JAG2: variants seen among roughly 807,000 people sequenced by gnomAD.
The protein encoded by JAG2 is jagged canonical Notch ligand 2, also known as protein jagged-2.
JAG2 carries 46 observed loss-of-function variants against 141.7 expected under a neutral mutation model. That is an observed-to-expected ratio of 0.32 (90% CI 0.26 to 0.42). The LOEUF (loss-of-function observed/expected upper bound fraction) is 0.42. Ranked by LOEUF, JAG2 falls within the 10% of genes least tolerant of loss-of-function variation. JAG2 has a pLI of 1.00. For synonymous variants in JAG2, 862 were observed against 763.5 expected (o/e 1.13, Z -2.13); for missense variants, 1,500 against 1,817.5 (o/e 0.83, Z 3.18).
chr14:105,162,398 AG>A (rs1354590385), intron 2 of JAG2, among the ~76,000 whole-genome samples: 3 of 119,532 alleles, frequency 2.5e-5, no homozygotes. Flanking sequence ...GTCCCCAGGC[AG>A]GGGCAACAGC....
At chr14:105,143,288 T>C in intron 25 of JAG2, 118 bp from the exon 26 acceptor site, 2 of 1,350,850 alleles carry the variant, frequency 1.5e-6, no homozygotes, top group African/African-American at 1.4e-5. Flanking sequence ...CACCCTCCGG[T>C]TGCTGGCTCG....
chr14:105,163,792 G>A (rs1362113940), intron 2 of JAG2, among the ~76,000 whole-genome samples: 1 of 149,144 alleles, frequency 6.7e-6, no homozygotes, highest in Non-Finnish European at 1.5e-5. Context: ...GGGGCCTGAG[G>A]ATAGGGGCCC....
At chr14:105,152,336 C>G in intron 5 of JAG2, 45 bp from the exon 6 acceptor site, 1 of 1,597,468 alleles carries the variant, frequency 6.3e-7, no homozygotes, top group East Asian at 2.3e-5. Flanking sequence ...GCTGTGGTGC[C>G]TGAAAGGGTG....
intron 2 of JAG2, among the ~76,000 whole-genome samples, chr14:105,160,950 A>G (rs1888729459): frequency 6.6e-6 from 1 of 152,020 alleles, no homozygotes; most frequent in Admixed American, 6.5e-5. Context: ...AAGGAGCTGC[A>G]TGGCAGAGCC....
chr14:105,143,750 C>A, intron 24 of JAG2, 112 bp from the exon 25 acceptor site: 1 of 1,346,264 alleles, frequency 7.4e-7, no homozygotes. Flanking sequence ...GCACGGGAGA[C>A]GAGAGCCCGG....
At chr14:105,168,154 C>G (rs1888980665) in intron 1 of JAG2, 47 bp from the exon 2 acceptor site, 1 of 1,420,892 alleles carries the variant, frequency 7.0e-7, no homozygotes, top group African/African-American at 1.5e-5. Context: ...GGGCCGGGGT[C>G]GGCGGGCCGG....
At chr14:105,158,656 C>T (rs1158564136) in intron 2 of JAG2, among the ~76,000 whole-genome samples, 2 of 152,090 alleles carry the variant, frequency 1.3e-5, no homozygotes, top group Admixed American at 1.3e-4. Context: ...TGGGTACCCA[C>T]ATTCCACAGC....
Position 105,143,046 on chromosome 14 carries a change from C to G in JAG2, c.3366G>C (p.Glu1122Asp). ...GCGGGGCCCACTGGTTGTTGGCGCT[C>G]TCCTCCCGCGGCAGCCGGCTCCTCT... The part of the protein sequence containing the change: ...ERERSRLPRE[E>D]SANNQWAPLN... The change falls in exon 26 of 26, where the codon GAG becomes GAC. Residue 1122 changes from glutamate to aspartate, a missense_variant. Transcript: ENST00000331782. 1 of 1,603,780 alleles carries G rather than the reference C, an allele frequency of 6.2e-7. No individual in the cohort carries two copies. The highest frequency in any genetic ancestry group is 8.5e-7 in the Non-Finnish European group (1 of 1,179,676).
chr14:105,149,331 G>A lies in JAG2; in HGVS notation c.1603-11C>T, dbSNP rs781628851. 3.1e-6 allele frequency: 5 copies of A among 1,612,446 alleles called. No individual in the cohort carries two copies. The highest frequency in any genetic ancestry group is 4.5e-5 in the East Asian group (2 of 44,874). ...AAGGTCGACATCCACCTGCAGGGTG[G>A]GGGGTGCCTGTGAGAGCCTAGGCCC... On this transcript the variant is annotated splice_polypyrimidine_tract_variant and intron_variant, in intron 12 of 25. Coordinates refer to ENST00000331782, the MANE Select transcript of JAG2 (RefSeq NM_002226.5).
chr14:105,149,197 C>G lies in JAG2; in HGVS notation c.1726G>C (p.Glu576Gln). 1 of 1,611,784 alleles carries G rather than the reference C, an allele frequency of 6.2e-7. No individual in the cohort carries two copies. The stretch of plus-strand genomic sequence containing the variant: ...CTGCAGGCCCCGCCAGGGCACGGCT[C>G]GCGGGGCACGGAGCAGTTCTTGCCA... ...FGGKNCSVPR[E>Q]PCPGGACRVI... is the part of the protein sequence containing the mutation. Residue 576 changes from glutamate to glutamine, a missense_variant, in exon 13 of 26, where the codon GAG becomes CAG. Physicochemically the swap from Glu to Gln is conservative, Grantham distance 29 (BLOSUM62 2). This residue lies in a region of JAG2 where 875 missense variants were observed against 1,202.2 expected (regional missense o/e 0.73). Coordinates refer to ENST00000331782, the MANE Select transcript of JAG2 (RefSeq NM_002226.5).
intron 2 of JAG2, among the ~76,000 whole-genome samples, chr14:105,166,502 C>G (rs986605593): frequency 1.3e-5 from 2 of 152,370 alleles, no homozygotes; most frequent in African/African-American, 4.8e-5. Context: ...TTTCCCCTCT[C>G]TGGGGCCCCC....
At chr14:105,157,875 C>T in intron 2 of JAG2, 112 bp from the exon 3 acceptor site, 2 of 979,272 alleles carry the variant, frequency 2.0e-6, no homozygotes, top group Non-Finnish European at 3.1e-6. Context: ...CAGGCTCTGG[C>T]CCTTCCTCCC....
intron 12 of JAG2, 78 bp from the exon 13 acceptor site, chr14:105,149,398 A>C (rs1311287702): frequency 1.3e-6 from 2 of 1,587,408 alleles, no homozygotes; most frequent in African/African-American, 2.7e-5. Flanking sequence ...TGTCCATACG[A>C]AGGTAGATCC....
chr14:105,161,921 G>A (rs587769590), intron 2 of JAG2, among the ~76,000 whole-genome samples: 31 of 152,316 alleles, frequency 2.0e-4, no homozygotes, highest in Non-Finnish European at 4.0e-4. Flanking sequence ...CCTGCCTGGC[G>A]GGCCACGATC....
chr14:105,157,587 C>G, intron 3 of JAG2, 119 bp downstream of exon 3: 2 of 1,015,380 alleles, frequency 2.0e-6, no homozygotes, highest in Admixed American at 2.0e-5. Context: ...AAAAGGGAAA[C>G]AGCACACATG....
intron 2 of JAG2, among the ~76,000 whole-genome samples, chr14:105,165,085 C>T (rs1888869696): frequency 6.6e-6 from 1 of 152,244 alleles, no homozygotes. Flanking sequence ...CCCTCGCTGG[C>T]AGGCAGGCTC....
rs587631614 is a variant in JAG2 at position 105,147,206 on chromosome 14, A to C, written c.2479+120T>G. On this transcript the variant is annotated intron_variant, in intron 20 of 25. Transcript: ENST00000331782. ...GTGGGGAAACTGAGGCTCAGAAGAG[A>C]GGCAGGAAGTAGTTGTGGCCACACT... 314 of 767,982 alleles carry C rather than the reference A, an allele frequency of 4.1e-4. 2 individuals carry two copies. In the East Asian group the frequency reaches 8.2e-3, roughly 20 times the overall value. 47.6% of individuals were successfully genotyped at this position (767,982 alleles called of 1,614,324 possible). A position where few individuals can be genotyped will look rare whatever the true frequency, so the allele number is the denominator to read the frequency against.
rs760964337 is a variant in JAG2 at position 105,148,215 on chromosome 14, C to T, written c.2149G>A (p.Asp717Asn). ...KTCHSREFQC[D>N]AYTCSNGGTC... ...CCACCGTTGCTGCAGGTGTAGGCATCGCACTGGAACTCGCCTGTTGGCACA... is the reference window on the plus strand; with the variant it reads ...CCACCGTTGCTGCAGGTGTAGGCATTGCACTGGAACTCGCCTGTTGGCACA... Residue 717 changes from aspartate (D) to asparagine (N), a missense_variant, in exon 17 of 26, where the codon GAT (aspartate) becomes AAT (asparagine). Physicochemically the swap from Asp to Asn is conservative, Grantham distance 23. Coordinates refer to ENST00000331782, the MANE Select transcript of JAG2 (RefSeq NM_002226.5). 1.3e-6 allele frequency: 2 copies of T among 1,557,846 alleles called. No homozygotes were observed. Among genetic ancestry groups the T allele is most frequent in the Admixed American group, 1.9e-5 (1 of 51,706 alleles).
chr14:105,159,683 GGCTCCATCCACACCCCGCAACAT>G (rs1294626637), intron 2 of JAG2, among the ~76,000 whole-genome samples: 53 of 87,182 alleles, frequency 6.1e-4, no homozygotes, highest in African/African-American at 2.0e-3. Flanking sequence ...ACCTCCCCAG[GGCTCCATCCACACCCCGCAACAT>G]GCTCCATCCA....
Sources: allele counts gnomAD v4.1 joint callset (sites outside exome capture counted in the v4.1 genomes callset), GRCh38; gene constraint gnomAD v4.1.1; regional missense constraint gnomAD v4.1.1; transcripts MANE v1.5; gene names NCBI Gene and HGNC (gene_info 2026-07-23, HGNC 2026-07-21).